ZNF540: variants seen among roughly 807,000 people sequenced by gnomAD.
The protein encoded by ZNF540 is zinc finger protein 540.
Under a neutral mutation model 11.8 loss-of-function variants are expected in ZNF540, and 3 were observed. That is an observed-to-expected ratio of 0.25 (90% CI 0.12 to 0.65). The LOEUF is 0.65. Among genes scored for constraint, ZNF540 ranks in the 30% least tolerant of loss-of-function variants. The pLI, the probability that ZNF540 is intolerant of heterozygous loss-of-function variation, is 0.83. For missense variants in ZNF540, 709 were observed against 793.1 expected, an observed-to-expected ratio of 0.89 and a Z score of 1.27; for synonymous variants, 247 against 259.0, an observed-to-expected ratio of 0.95 and a Z score of 0.45.
intron 1 of ZNF540, among the ~76,000 whole-genome samples, chr19:37,572,771 C>A (rs546943958): frequency 6.6e-6 from 1 of 152,228 alleles, no homozygotes; most frequent in South Asian, 2.1e-4. Flanking sequence ...TAATTAATTT[C>A]TTCTGTTCTT....
chr19:37,588,765 T>G (rs2043771168), intron 1 of ZNF540, among the ~76,000 whole-genome samples: 1 of 152,178 alleles, frequency 6.6e-6, no homozygotes, highest in Admixed American at 6.5e-5. Context: ...AAAGAAAAGA[T>G]TAATGTAACT....
chr19:37,589,772 A>AG (rs2043808257), intron 1 of ZNF540, among the ~76,000 whole-genome samples: 1 of 147,464 alleles, frequency 6.8e-6, no homozygotes, highest in South Asian at 2.2e-4. Context: ...AGGCTGAGGC[A>AG]AAGAATTGCT....
rs1344591903 is a variant in ZNF540 at position 37,611,878 on chromosome 19, TATCA to T, written c.599_602del (p.Tyr200CysfsTer84). The T allele has an allele frequency of 5.0e-6, 8 of 1,613,788 alleles. No homozygotes were observed. In the East Asian group the frequency reaches 1.8e-4, roughly 36 times the overall value. On this transcript the variant is annotated frameshift_variant, in exon 5 of 5. Transcript: ENST00000316433. LOFTEE classifies it low-confidence loss of function (END_TRUNC). ...ATGTGGGAGTACTTTTAATAATGTCTATCAGCTTACTCTCCATCAGAAAATTCAT... is the reference window on the plus strand; with the variant it reads ...ATGTGGGAGTACTTTTAATAATGTCTGCTTACTCTCCATCAGAAAATTCAT...
chr19:37,597,973 T>G (rs2044009384), intron 1 of ZNF540, among the ~76,000 whole-genome samples: 1 of 152,248 alleles, frequency 6.6e-6, no homozygotes, highest in Non-Finnish European at 1.5e-5. Flanking sequence ...TTTTTAAGTC[T>G]GGGGAGGCCA....
At chr19:37,575,529 G>A (rs2037973264) in intron 1 of ZNF540, 1 of 152,198 alleles carries the variant, frequency 6.6e-6, no homozygotes, top group Non-Finnish European at 1.5e-5. Flanking sequence ...TTAGTACTAA[G>A]CTTCAAGAAA....
intron 1 of ZNF540, chr19:37,575,723 T>C (rs1038775362): frequency 1.3e-5 from 2 of 152,240 alleles, no homozygotes; most frequent in Non-Finnish European, 2.9e-5. Flanking sequence ...ATCACTGTGA[T>C]GGTGTCACAC....
At chr19:37,596,388 G>C (rs1382603022) in intron 1 of ZNF540, among the ~76,000 whole-genome samples, 1 of 152,094 alleles carries the variant, frequency 6.6e-6, no homozygotes, top group African/African-American at 2.4e-5. Flanking sequence ...CTGCAGTCTC[G>C]AACTCCTGGG....
chr19:37,561,071 AAAAG>A (rs1223014946), intron 1 of ZNF540, among the ~76,000 whole-genome samples: 3 of 150,386 alleles, frequency 2.0e-5, no homozygotes, highest in Non-Finnish European at 3.0e-5. Flanking sequence ...AAAAAAAAAA[AAAAG>A]AAAGAAAAAA....
chr19:37,594,823 G>C (rs973387889), upstream of ZNF540: 1 of 152,212 alleles, frequency 6.6e-6, no homozygotes. Flanking sequence ...GGGCCTTCGG[G>C]AAATGTAGTC....
At chr19:37,606,239 C>A (rs553593737) in intron 4 of ZNF540, among the ~76,000 whole-genome samples, 1 of 152,166 alleles carries the variant, frequency 6.6e-6, no homozygotes, top group Non-Finnish European at 1.5e-5. Flanking sequence ...ATTTATGAAG[C>A]AGCATGTATC....
intron 4 of ZNF540, among the ~76,000 whole-genome samples, chr19:37,605,879 G>A (rs1267423950): frequency 6.6e-6 from 1 of 152,148 alleles, no homozygotes; most frequent in African/African-American, 2.4e-5. Flanking sequence ...TTGGTAAAAA[G>A]TGTCTGTTCA....
chr19:37,559,818 A>G (rs1460540591), intron 1 of ZNF540, among the ~76,000 whole-genome samples: 7 of 152,358 alleles, frequency 4.6e-5, no homozygotes, highest in African/African-American at 1.7e-4. Flanking sequence ...AAAATTTTCT[A>G]AAGTTAAAAC....
upstream of ZNF540, among the ~76,000 whole-genome samples, chr19:37,590,696 G>T (rs2043844161): frequency 6.6e-6 from 1 of 152,056 alleles, no homozygotes; most frequent in Non-Finnish European, 1.5e-5. Flanking sequence ...AAATATGTAA[G>T]GACATAGGAC....
At chr19:37,579,061 T>G (rs1043813105) in intron 1 of ZNF540, among the ~76,000 whole-genome samples, 6 of 152,220 alleles carry the variant, frequency 3.9e-5, no homozygotes, top group South Asian at 2.1e-4. Context: ...ACATTTCACC[T>G]GCAGCCCAGA....
intron 4 of ZNF540, among the ~76,000 whole-genome samples, chr19:37,605,831 G>T (rs184330426): frequency 8.5e-5 from 13 of 152,256 alleles, no homozygotes; most frequent in Admixed American, 8.5e-4. Context: ...GACTAGTGAT[G>T]AGCATATTTT....
At chr19:37,578,675 C>G (rs1021566906) in intron 1 of ZNF540, among the ~76,000 whole-genome samples, 1 of 151,738 alleles carries the variant, frequency 6.6e-6, no homozygotes, top group African/African-American at 2.4e-5. Context: ...GCACAGCGAC[C>G]CTGTCCCCAC....
At chr19:37,589,864 C>CAAAAAAAA (rs60136941), upstream of ZNF540, among the ~76,000 whole-genome samples, 87 of 29,586 alleles carry the variant, frequency 2.9e-3, 22 homozygotes, top group Admixed American at 4.0e-3. Context: ...GACTCCATCT[C>CAAAAAAAA]AAAAAAAAAA....
chr19:37,563,380 T>G (rs1440105347), intron 1 of ZNF540: 1 of 151,818 alleles, frequency 6.6e-6, no homozygotes, highest in Non-Finnish European at 1.5e-5. Context: ...GAATGTAGCC[T>G]CCGAGATCTG....
chr19:37,592,691 T>C (rs2043902119), upstream of ZNF540, among the ~76,000 whole-genome samples: 1 of 152,228 alleles, frequency 6.6e-6, no homozygotes, highest in Non-Finnish European at 1.5e-5. Flanking sequence ...CAGCACCAAC[T>C]ATGAATTAAA....
Sources: allele counts gnomAD v4.1 joint callset (sites outside exome capture counted in the v4.1 genomes callset), GRCh38; gene constraint gnomAD v4.1.1; transcripts MANE v1.5; gene names NCBI Gene and HGNC (gene_info 2026-07-23, HGNC 2026-07-21).